Variants in TPD52L1 observed in about 807,000 individuals in gnomAD.
The protein encoded by TPD52L1 is tumor protein D53.
Under a neutral mutation model 28.7 loss-of-function variants are expected in TPD52L1, and 18 were observed. That is an observed-to-expected ratio of 0.63 (90% CI 0.43 to 0.93). TPD52L1 has a LOEUF of 0.93. TPD52L1 is among the 40% of genes least tolerant of loss of function. TPD52L1 has a pLI of 0.00. For missense variants in TPD52L1, 203 were observed against 254.8 expected, an observed-to-expected ratio of 0.80 and a Z score of 1.39; for synonymous variants, 75 against 88.8, an observed-to-expected ratio of 0.84 and a Z score of 0.88.
At chr6:125,248,242 A>T (rs772164898) in intron 3 of TPD52L1, 40 bp from the exon 4 acceptor site, 7 of 1,492,176 alleles carry the variant, frequency 4.7e-6, no homozygotes, top group Non-Finnish European at 9.3e-7. Flanking sequence ...TTTATGGGAG[A>T]TCATGATATA....
Position 125,264,018 on chromosome 6 carries a change from A to G in TPD52L1, c.*1056A>G, listed in dbSNP as rs75745547. ...AGTAGTAGTTAGTCAGATAAAGGAT[A>G]TCCAAAAAAGAGATAGCTAGAAAAT... On this transcript the variant is annotated 3_prime_UTR_variant, in exon 7 of 7. Coordinates refer to ENST00000534000, the MANE Select transcript of TPD52L1 (RefSeq NM_003287.4). 7.2e-3 allele frequency: 1,102 copies of G among 152,324 alleles called. 21 individuals carry two copies. Among genetic ancestry groups the G allele is most frequent in the African/African-American group, 0.025 (1,035 of 41,564 alleles). 9.4% of individuals were successfully genotyped at this position (152,324 alleles called of 1,614,324 possible).
chr6:125,182,379 C>A (rs962300752), intron 1 of TPD52L1, among the ~76,000 whole-genome samples: 10 of 152,020 alleles, frequency 6.6e-5, no homozygotes, highest in African/African-American at 2.4e-4. Flanking sequence ...GAGCTGGAGT[C>A]GTGAGCAAAG....
At chr6:125,210,196 C>T (rs144730673) in intron 1 of TPD52L1, among the ~76,000 whole-genome samples, 1 of 152,302 alleles carries the variant, frequency 6.6e-6, no homozygotes, top group East Asian at 1.9e-4. Context: ...ATAGCACTTA[C>T]TAGATTCTTA....
At chr6:125,159,551 A>G (rs1790371657) in intron 1 of TPD52L1, among the ~76,000 whole-genome samples, 1 of 152,184 alleles carries the variant, frequency 6.6e-6, no homozygotes, top group Non-Finnish European at 1.5e-5. Context: ...ACTCCTGTTA[A>G]TGTTGATATT....
intron 1 of TPD52L1, among the ~76,000 whole-genome samples, chr6:125,169,311 T>A (rs1791125615): frequency 6.6e-6 from 1 of 152,166 alleles, no homozygotes; most frequent in African/African-American, 2.4e-5. Context: ...TGATTTTGAA[T>A]TGGATCCATG....
chr6:125,153,826 G>A lies in TPD52L1; in HGVS notation c.-126G>A, dbSNP rs930279316. On this transcript the variant is annotated 5_prime_UTR_variant, in exon 1 of 7. Transcript: ENST00000534000. ...CCCCAACCCCCTCCGCGCAGCGCTC[G>A]CGACACGCGTGCCAGGAGTGGGAGC... 7.9e-6 allele frequency: 9 copies of A among 1,142,218 alleles called. No homozygotes were observed. Among genetic ancestry groups the A allele is most frequent in the Non-Finnish European group, 1.1e-5 (9 of 840,014 alleles). The allele number at this position is 1,142,218 out of a possible 1,614,324, so 70.8% of individuals were successfully genotyped here.
chr6:125,177,782 A>G (rs1364078057), intron 1 of TPD52L1, among the ~76,000 whole-genome samples: 2 of 152,200 alleles, frequency 1.3e-5, no homozygotes, highest in Non-Finnish European at 2.9e-5. Flanking sequence ...AAATTAACAA[A>G]CCATTACTTT....
chr6:125,238,194 T>C (rs2115009715), intron 3 of TPD52L1, among the ~76,000 whole-genome samples: 1 of 152,334 alleles, frequency 6.6e-6, no homozygotes, highest in South Asian at 2.1e-4. Context: ...AACTATTTAG[T>C]AGCAGGCTTC....
intron 1 of TPD52L1, among the ~76,000 whole-genome samples, chr6:125,215,211 T>A (rs1209417575): frequency 6.6e-6 from 1 of 152,230 alleles, no homozygotes; most frequent in Non-Finnish European, 1.5e-5. Context: ...TTATCATCTG[T>A]CATTTGGTAT....
chr6:125,253,391 A>C, intron 4 of TPD52L1: 4 of 363,958 alleles, frequency 1.1e-5, no homozygotes, highest in Non-Finnish European at 2.0e-5. Flanking sequence ...GTAGAGACCT[A>C]AGTTGGGCCT....
chr6:125,200,238 A>G (rs971376556), intron 1 of TPD52L1, among the ~76,000 whole-genome samples: 21 of 152,298 alleles, frequency 1.4e-4, no homozygotes, highest in East Asian at 3.9e-4. Context: ...CTATTTAAAA[A>G]AATAGCTCTA....
intron 1 of TPD52L1, among the ~76,000 whole-genome samples, chr6:125,207,144 C>G (rs1173467283): frequency 6.6e-6 from 1 of 152,160 alleles, no homozygotes; most frequent in African/African-American, 2.4e-5. Context: ...CCACCCTGGA[C>G]CTTTCCTAGT....
At chr6:125,231,510 A>G (rs1795946554) in intron 3 of TPD52L1, among the ~76,000 whole-genome samples, 1 of 152,236 alleles carries the variant, frequency 6.6e-6, no homozygotes, top group African/African-American at 2.4e-5. Flanking sequence ...ATAGCCAGGT[A>G]GTCTACTTAA....
chr6:125,262,729 A>C, intron 6 of TPD52L1, 105 bp from the exon 7 acceptor site: 1 of 1,409,222 alleles, frequency 7.1e-7, no homozygotes, highest in Non-Finnish European at 9.6e-7. Flanking sequence ...AAAGATAGAA[A>C]GTATTTCTGA....
At chr6:125,158,410 ATACATTATACTT>A (rs915355685) in intron 1 of TPD52L1, among the ~76,000 whole-genome samples, 17 of 152,164 alleles carry the variant, frequency 1.1e-4, no homozygotes, top group South Asian at 8.3e-4. Context: ...ATTCTACATT[ATACATTATACTT>A]TACATTATAC....
At chr6:125,204,261 A>G (rs1371876317) in intron 1 of TPD52L1, among the ~76,000 whole-genome samples, 1 of 152,140 alleles carries the variant, frequency 6.6e-6, no homozygotes, top group Non-Finnish European at 1.5e-5. Flanking sequence ...TGAAAGCTAG[A>G]CCCTGGCTTA....
chr6:125,211,786 C>T (rs1794534129), intron 1 of TPD52L1, among the ~76,000 whole-genome samples: 1 of 152,190 alleles, frequency 6.6e-6, no homozygotes. Context: ...GAATAAAACA[C>T]ACTTAAGAGA....
At chr6:125,256,222 C>T (rs1797591490) in intron 5 of TPD52L1, among the ~76,000 whole-genome samples, 1 of 152,038 alleles carries the variant, frequency 6.6e-6, no homozygotes, top group South Asian at 2.1e-4. Flanking sequence ...TGGTGGTGGG[C>T]ACCTGCAGTC....
rs760380306 is a variant in TPD52L1, at chr6:125,253,736, A to G, written c.406A>G (p.Ile136Val). 2.0e-5 allele frequency: 33 copies of G among 1,613,208 alleles called. No individual in the cohort carries two copies. Among genetic ancestry groups the G allele is most frequent in the Non-Finnish European group, 2.6e-5 (31 of 1,179,684 alleles). Residue 136 changes from isoleucine (I) to valine (V), a missense_variant, in exon 5 of 7, where the codon ATA becomes GTA. Ile to Val is a conservative substitution (Grantham distance 29). Transcript: ENST00000534000. ...GDMSYSIRHS[I>V]SMPAMRNSPT... ...CTGAAGTTACTCCATTCGCCATTCC[A>G]TAAGTATGCCTGCTATGAGGTAATG...
Sources: gnomAD v4.1 joint callset for allele counts (sites outside exome capture counted in the v4.1 genomes callset) on GRCh38, gnomAD v4.1.1 for gene constraint, MANE v1.5 for transcripts, NCBI Gene and HGNC (gene_info 2026-07-23, HGNC 2026-07-21) for gene names.